The following TLN1 variants were observed in gnomAD, a reference collection of about 807,000 sequenced individuals.
TLN1 encodes the protein talin 1, also known as talin-1.
TLN1 carries 56 observed loss-of-function variants against 292.3 expected under a neutral mutation model. The ratio of observed to expected loss-of-function variants is 0.19; its 90% CI spans 0.15 to 0.24. TLN1 has a LOEUF of 0.24. Ranked by LOEUF, TLN1 falls within the 10% of genes least tolerant of loss-of-function variation. The probability of loss-of-function intolerance (pLI) is 1.00; values close to 1 mark genes in which losing one functional copy is unlikely to be tolerated. For synonymous variants in TLN1, 1,119 were observed against 1,253.7 expected, an observed-to-expected ratio of 0.89 and a Z score of 2.27; for missense variants, 2,433 against 3,248.2, an observed-to-expected ratio of 0.75 and a Z score of 6.10.
At chr9:35,725,144 GT>G in intron 3 of TLN1, 79 bp downstream of exon 3, 1 of 1,552,188 alleles carries the variant, frequency 6.4e-7, no homozygotes, top group East Asian at 2.2e-5. Context: ...GACAACAGAT[GT>G]GGGTGCTGAA....
Position 35,706,792 on chromosome 9 carries a change from A to C in TLN1, c.5064T>G (p.Ala1688=). The C allele has an allele frequency of 6.2e-7, 1 of 1,613,888 alleles. No individual in the cohort carries two copies. Among genetic ancestry groups the C allele is most frequent in the Non-Finnish European group, 8.5e-7 (1 of 1,179,982 alleles). ...CCTCTTGAGAGATTCCCTCACGGGG[A>C]GCAAGCTGCTGGCTGACTGCAGCGA... The part of the protein sequence containing the change: ...ASLAAVSQQL[A]PREGISQEAL... Residue 1688 remains alanine (A), a synonymous_variant, in exon 38 of 57, where the codon GCT becomes GCG. Coordinates refer to ENST00000314888, the MANE Select transcript of TLN1 (RefSeq NM_006289.4). The surrounding 1 kb of genome is among the most constrained non-coding windows in gnomAD (Gnocchi z 4.2).
rs1293786814 is a variant in TLN1, at chr9:35,719,036, C to G, written c.1896+38G>C. ...ACTGCCCCTTCTCCTTGGGCTTGAACCCTGTCTCCACCCTAACCCAAACCT... is the reference window on the plus strand; with the variant it reads ...ACTGCCCCTTCTCCTTGGGCTTGAAGCCTGTCTCCACCCTAACCCAAACCT... On this transcript the variant is annotated intron_variant, in intron 16 of 56. Coordinates refer to ENST00000314888, the MANE Select transcript of TLN1 (RefSeq NM_006289.4). This position sits in a 1 kb window ranked among gnomAD's most constrained non-coding sequence, Gnocchi z 4.6. The G allele has an allele frequency of 1.2e-6, 2 of 1,600,750 alleles. No homozygotes were observed. The highest frequency in any genetic ancestry group is 2.7e-5 in the African/African-American group (2 of 74,642).
intron 20 of TLN1, 51 bp downstream of exon 20, chr9:35,716,339 T>C (rs1297670086): frequency 1.9e-6 from 3 of 1,605,284 alleles, no homozygotes; most frequent in Non-Finnish European, 2.6e-6. Flanking sequence ...TCTGGACTGC[T>C]CTACTTCCCT....
chr9:35,714,146 C>T lies in TLN1; in HGVS notation c.3121-65G>A. The T allele has an allele frequency of 1.2e-6, 2 of 1,605,128 alleles. No individual in the cohort carries two copies. Among genetic ancestry groups the T allele is most frequent in the Non-Finnish European group, 1.7e-6 (2 of 1,173,034 alleles). ...TGTGTCTCACCAATGCCTCTGATTA[C>T]ACAATTATCTGCGTATTGGGTTATT... On this transcript the variant is annotated intron_variant, in intron 24 of 56. Transcript: ENST00000314888. This position sits in a 1 kb window ranked among gnomAD's most constrained non-coding sequence, Gnocchi z 4.6.
chr9:35,705,164 A>C (rs1284910762), intron 43 of TLN1, among the ~76,000 whole-genome samples: 1 of 152,186 alleles, frequency 6.6e-6, no homozygotes, highest in African/African-American at 2.4e-5. Context: ...TGGGCATTAC[A>C]TGTGTCCTGC....
intron 1 of TLN1, 149 bp downstream of exon 1, chr9:35,731,926 C>A (rs907806640): frequency 2.0e-5 from 3 of 152,476 alleles, no homozygotes; most frequent in Non-Finnish European, 4.4e-5. Flanking sequence ...GCCTACTTCA[C>A]GCCGAGCTCA....
intron 17 of TLN1, 112 bp downstream of exon 17, chr9:35,718,700 T>G (rs1214107150): frequency 2.4e-6 from 2 of 817,882 alleles, no homozygotes; most frequent in Non-Finnish European, 4.1e-6. Flanking sequence ...AAATAGAGGT[T>G]CAGATTGGTT....
chr9:35,728,448 T>C (rs1030920636), intron 1 of TLN1, among the ~76,000 whole-genome samples: 1 of 152,050 alleles, frequency 6.6e-6, no homozygotes, highest in Non-Finnish European at 1.5e-5. Context: ...GGAGACTCAT[T>C]TAGAGCTGGA....
chr9:35,712,184 T>C, intron 27 of TLN1, 60 bp from the exon 28 acceptor site: 1 of 1,560,318 alleles, frequency 6.4e-7, no homozygotes. Flanking sequence ...ATCGCCTCCA[T>C]TCACGCGACA....
chr9:35,718,797 G>A lies in TLN1; in HGVS notation c.1995+15C>T. The A allele has an allele frequency of 6.2e-7, 1 of 1,609,478 alleles. No individual in the cohort carries two copies. The highest frequency in any genetic ancestry group is 1.1e-5 in the South Asian group (1 of 90,624). ...CTAGATTCTGGGGTTCTGGGGGGTT[G>A]GGTAAGTCACCAACCTGGAAGTGGG... On this transcript the variant is annotated intron_variant, in intron 17 of 56. Transcript: ENST00000314888.
chr9:35,723,465 G>A (rs1345768257), intron 7 of TLN1: 1 of 184,976 alleles, frequency 5.4e-6, no homozygotes, highest in East Asian at 1.7e-4. Context: ...GGAAAATTAA[G>A]TTAGAGGCTC....
Position 35,715,148 on chromosome 9 carries a change from G to A in TLN1, c.2665C>T (p.Arg889Trp), listed in dbSNP as rs749822890. 3.7e-6 allele frequency: 6 copies of A among 1,612,424 alleles called. No homozygotes were observed. The highest frequency in any genetic ancestry group is 3.3e-5 in the Admixed American group (2 of 60,008). ...AGCCCCTCAGCTGCCTCCCGCAGCC[G>A]CTGCTGCTGCTCCTCACTGTCAGGG... is the stretch of plus-strand genomic sequence containing the variant. The part of the protein sequence containing the change: ...AHPDSEEQQQ[R>W]LREAAEGLRM... The change falls in exon 21 of 57, where the codon CGG becomes TGG. Residue 889 changes from arginine (R) to tryptophan (W), a missense_variant. Coordinates refer to ENST00000314888, the MANE Select transcript of TLN1 (RefSeq NM_006289.4).
In TLN1 at chr9:35,714,527, G is replaced by A. The variant is rs13298134; in HGVS notation, c.2985+47C>T. ...TCAAACTGTGGGAGATGGAAGCTTAGAAAGGTGGGAAGGTCAGGTCAGAGA... is the reference window on the plus strand; with the variant it reads ...TCAAACTGTGGGAGATGGAAGCTTAAAAAGGTGGGAAGGTCAGGTCAGAGA... On this transcript the variant is annotated intron_variant, in intron 23 of 56. Coordinates refer to ENST00000314888, the MANE Select transcript of TLN1 (RefSeq NM_006289.4). The surrounding 1 kb of genome is among the most constrained non-coding windows in gnomAD (Gnocchi z 4.6). The A allele has an allele frequency of 1.9e-6, 3 of 1,596,626 alleles. No individual in the cohort carries two copies. Among genetic ancestry groups the A allele is most frequent in the African/African-American group, 2.7e-5 (2 of 74,766 alleles).
chr9:35,707,124 C>A lies in TLN1; in HGVS notation c.4903G>T (p.Gly1635Cys). 6.2e-7 allele frequency: 1 copy of A among 1,612,192 alleles called. No individual in the cohort carries two copies. The highest frequency in any genetic ancestry group is 8.5e-7 in the Non-Finnish European group (1 of 1,179,578). The change falls in exon 37 of 57, where the codon GGC (glycine) becomes TGC (cysteine). Residue 1635 changes from glycine to cysteine, a missense_variant. Gly to Cys is a radical substitution (Grantham distance 159, BLOSUM62 -3). Around this residue, in one of 7 missense-constraint regions of TLN1, gnomAD observed 1,384 missense variants for 1,699.6 expected, o/e 0.81. Transcript: ENST00000314888. This position sits in a 1 kb window ranked among gnomAD's most constrained non-coding sequence, Gnocchi z 5.6. ...RDPPSWSVLA[G>C]HSRTVSDSIK... is the part of the protein sequence containing the mutation. ...GAGTCTGAGACAGTACGGGAGTGGC[C>A]GGCCAGCACCGACCAGCTCGGGGGG... is the stretch of plus-strand genomic sequence containing the variant.
chr9:35,712,509 G>A (rs1361148886), intron 27 of TLN1, among the ~76,000 whole-genome samples: 1 of 152,148 alleles, frequency 6.6e-6, no homozygotes, highest in East Asian at 1.9e-4. Flanking sequence ...TTAGCTGGGT[G>A]TGGTGGCGCA....
rs780258910 is a variant in TLN1 at position 35,719,494 on chromosome 9, A to C, written c.1687+25T>G. 45 of 1,596,482 alleles carry C rather than the reference A, an allele frequency of 2.8e-5. No homozygotes were observed. The highest frequency in any genetic ancestry group is 3.7e-5 in the Non-Finnish European group (43 of 1,164,906). ...CTTGCACCCCCTCTCCCCATCACAC[A>C]CCCGGAAGCTAGCATCCGGCCTACC... On this transcript the variant is annotated intron_variant, in intron 15 of 56. Transcript: ENST00000314888. This position sits in a 1 kb window ranked among gnomAD's most constrained non-coding sequence, Gnocchi z 4.6.
rs142287087 is a variant in TLN1, at chr9:35,724,597, C to T, written c.486G>A (p.Lys162=). ...ACTCATCATCTGTGTGCAATTTCTGCTTTAGTTTCTCCATCTTCTTTTCAT... is the reference window on the plus strand; with the variant it reads ...ACTCATCATCTGTGTGCAATTTCTGTTTTAGTTTCTCCATCTTCTTTTCAT... ...LRDEKKMEKL[K]QKLHTDDELN... Residue 162 remains lysine, a synonymous_variant, in exon 5 of 57, where the codon AAG becomes AAA. Transcript: ENST00000314888. The surrounding 1 kb of genome is among the most constrained non-coding windows in gnomAD (Gnocchi z 4.7). The T allele has an allele frequency of 1.2e-6, 2 of 1,614,018 alleles. No individual in the cohort carries two copies. The highest frequency in any genetic ancestry group is 2.7e-5 in the African/African-American group (2 of 74,894).
chr9:35,704,129 C>T lies in TLN1; in HGVS notation c.6093G>A (p.Lys2031=), dbSNP rs781025115. The T allele has an allele frequency of 2.5e-6, 4 of 1,612,264 alleles. No homozygotes were observed. Among genetic ancestry groups the T allele is most frequent in the Non-Finnish European group, 3.4e-6 (4 of 1,179,038 alleles). Residue 2031 remains lysine (K), a synonymous_variant, in exon 46 of 57, where the codon AAG becomes AAA. Transcript: ENST00000314888. The surrounding 1 kb of genome is among the most constrained non-coding windows in gnomAD (Gnocchi z 6.9). ...KTAKVLVEDT[K]VLVQNAAGSQ... Reference sequence around the variant, plus strand: ...TCCCAGCTGCGTTTTGCACCAGGACCTTGGTGTCCTCCACCAGCACCTTCG... The same window carrying T: ...TCCCAGCTGCGTTTTGCACCAGGACTTTGGTGTCCTCCACCAGCACCTTCG...
chr9:35,717,411 G>A lies in TLN1; in HGVS notation c.2193C>T (p.Val731=), dbSNP rs1260882658. 2 of 1,614,062 alleles carry A rather than the reference G, an allele frequency of 1.2e-6. No homozygotes were observed. Among genetic ancestry groups the A allele is most frequent in the Non-Finnish European group, 1.7e-6 (2 of 1,179,922 alleles). ...CAGCCTCCACCAGTTGCTCTTGGCA[G>A]ACAGGTGAGCTGATTGTAGGTGCCA... The part of the protein sequence containing the change: ...KVVAPTISSP[V]CQEQLVEAGR... Residue 731 remains valine, a synonymous_variant, in exon 19 of 57, where the codon GTC becomes GTT. Transcript: ENST00000314888. The surrounding 1 kb of genome is among the most constrained non-coding windows in gnomAD (Gnocchi z 4.7).
Sources: gnomAD v4.1 joint callset for allele counts (sites outside exome capture counted in the v4.1 genomes callset) on GRCh38, gnomAD v4.1.1 for gene constraint, gnomAD v4.1.1 regional missense constraint, Gnocchi (gnomAD v3.1) non-coding constraint, MANE v1.5 for transcripts, NCBI Gene and HGNC (gene_info 2026-07-23, HGNC 2026-07-21) for gene names.